Variants in EPHA3 observed in about 807,000 individuals in gnomAD.
The protein encoded by EPHA3 is ephrin type-A receptor 3.
In EPHA3, 42 loss-of-function variants were observed where a neutral mutation model predicts 107.1. The observed-to-expected ratio is 0.39, with a 90% CI of 0.31 to 0.51. EPHA3 has a LOEUF of 0.51. Among genes scored for constraint, EPHA3 ranks in the 20% least tolerant of loss-of-function variants. The pLI is 0.78. For synonymous variants in EPHA3, 461 were observed against 424.8 expected, an observed-to-expected ratio of 1.09 and a Z score of -1.05; for missense variants, 1,183 against 1,211.2, an observed-to-expected ratio of 0.98 and a Z score of 0.35.
intron 1 of EPHA3, among the ~76,000 whole-genome samples, chr3:89,112,157 T>C (rs1268614799): frequency 6.6e-6 from 1 of 152,086 alleles, no homozygotes; most frequent in Non-Finnish European, 1.5e-5. Flanking sequence ...TGTCTTTCCA[T>C]GAAACACTAG....
At chr3:89,125,009 T>A (rs754323083) in intron 1 of EPHA3, among the ~76,000 whole-genome samples, 3 of 151,880 alleles carry the variant, frequency 2.0e-5, no homozygotes, top group Non-Finnish European at 4.4e-5. Flanking sequence ...AACGTAAGGA[T>A]ATGGTAGTTC....
Position 89,351,832 on chromosome 3 carries a change from C to A in EPHA3, c.1306+9742C>A, listed in dbSNP as rs142426576. On this transcript the variant is annotated intron_variant, in intron 5 of 16. Transcript: ENST00000336596. ...AACAAATTGATGTTCTGTTTACCTC[C>A]AGTTTCTATTTATAATAATAACATA... 5.3e-5 allele frequency among the ~76,000 whole-genome samples: 8 copies of A among 150,200 alleles called. No homozygotes were observed. The East Asian group carries it at 1.6e-3, about 29-fold the overall frequency.
At chr3:89,160,227 C>A (rs1489051995) in intron 2 of EPHA3, among the ~76,000 whole-genome samples, 2 of 151,960 alleles carry the variant, frequency 1.3e-5, no homozygotes, top group Non-Finnish European at 2.9e-5. Context: ...TCTCACATTT[C>A]TTCTGGGGGT....
intron 2 of EPHA3, among the ~76,000 whole-genome samples, chr3:89,179,085 C>A (rs979974152): frequency 6.6e-6 from 1 of 151,638 alleles, no homozygotes; most frequent in East Asian, 1.9e-4. Flanking sequence ...AAAATAATTT[C>A]TTTATACCTA....
chr3:89,279,238 C>T lies in EPHA3; in HGVS notation c.815-61678C>T, dbSNP rs924527177. Reference sequence around the variant, plus strand: ...ACCCAGGAAACCTCATTTAGGTAGGCAGAAATATGTTCTCTTAAGTAATGA... The same window carrying T: ...ACCCAGGAAACCTCATTTAGGTAGGTAGAAATATGTTCTCTTAAGTAATGA... On this transcript the variant is annotated intron_variant, in intron 3 of 16. Transcript: ENST00000336596. 8.6e-5 allele frequency among the ~76,000 whole-genome samples: 13 copies of T among 151,946 alleles called. 1 individual carries two copies. The highest frequency in any genetic ancestry group is 1.8e-4 in the Non-Finnish European group (12 of 67,998).
At chr3:89,195,173 A>AT (rs1705809069) in intron 2 of EPHA3, among the ~76,000 whole-genome samples, 1 of 151,778 alleles carries the variant, frequency 6.6e-6, no homozygotes, top group Admixed American at 6.6e-5. Flanking sequence ...TCTGTGTTTC[A>AT]TGTTGACATT....
chr3:89,235,693 C>G (rs1450250316), intron 3 of EPHA3, among the ~76,000 whole-genome samples: 5 of 151,534 alleles, frequency 3.3e-5, no homozygotes, highest in African/African-American at 1.2e-4. Context: ...TTAAAACTAC[C>G]CTATTTTTTC....
At chr3:89,378,563 C>G (rs1299665486) in intron 5 of EPHA3, among the ~76,000 whole-genome samples, 2 of 152,128 alleles carry the variant, frequency 1.3e-5, no homozygotes, top group Non-Finnish European at 2.9e-5. Flanking sequence ...TAGAATCTTT[C>G]CACACATTAG....
intron 13 of EPHA3, among the ~76,000 whole-genome samples, chr3:89,436,413 G>A (rs1709670969): frequency 6.6e-6 from 1 of 152,168 alleles, no homozygotes; most frequent in African/African-American, 2.4e-5. Context: ...TCTAGTGTCT[G>A]AAGTTTCTAC....
chr3:89,340,764 A>G (rs985198406), intron 3 of EPHA3, 152 bp from the exon 4 acceptor site: 3 of 668,742 alleles, frequency 4.5e-6, no homozygotes, highest in Middle Eastern at 8.9e-4. Flanking sequence ...GAAAAACTAC[A>G]GTAGGCTCTG....
intron 2 of EPHA3, among the ~76,000 whole-genome samples, chr3:89,130,473 A>G (rs1159739156): frequency 5.3e-5 from 8 of 152,196 alleles, no homozygotes; most frequent in Non-Finnish European, 7.3e-5. Context: ...GCTATAAAAA[A>G]TTAACATATT....
rs988656815 is a variant in EPHA3, at chr3:89,346,716, G to A, written c.1306+4626G>A. On this transcript the variant is annotated intron_variant, in intron 5 of 16. Transcript: ENST00000336596. ...CCATGCCTATGTCCTGAATGGTATT[G>A]CCTAGGTTTTCTTCTAGGGTTTTTA... Among the ~76,000 whole-genome samples, 4 of 150,472 alleles carry A rather than the reference G, an allele frequency of 2.7e-5. 1 individual carries two copies. Among genetic ancestry groups the A allele is most frequent in the African/African-American group, 9.7e-5 (4 of 41,196 alleles).
chr3:89,367,878 T>A (rs1395524915), intron 5 of EPHA3, among the ~76,000 whole-genome samples: 1 of 150,800 alleles, frequency 6.6e-6, no homozygotes, highest in African/African-American at 2.4e-5. Flanking sequence ...CCCATAGGGC[T>A]ACAGAATCGT....
At chr3:89,283,710 T>C (rs1706004204) in intron 3 of EPHA3, among the ~76,000 whole-genome samples, 1 of 152,116 alleles carries the variant, frequency 6.6e-6, no homozygotes, top group Non-Finnish European at 1.5e-5. Flanking sequence ...ACAAATCTTA[T>C]TGCACAGCAC....
chr3:89,344,282 C>T (rs1018597991), intron 5 of EPHA3, among the ~76,000 whole-genome samples: 3 of 151,958 alleles, frequency 2.0e-5, no homozygotes, highest in African/African-American at 7.3e-5. Flanking sequence ...AAGATCAGGC[C>T]AAGACATTAA....
At chr3:89,387,945 A>G (rs932869822) in intron 5 of EPHA3, among the ~76,000 whole-genome samples, 2 of 152,158 alleles carry the variant, frequency 1.3e-5, no homozygotes, top group African/African-American at 4.8e-5. Context: ...TAGTCTTTAG[A>G]AAAGACTAAA....
chr3:89,266,133 T>C (rs1705533992), intron 3 of EPHA3, among the ~76,000 whole-genome samples: 1 of 152,148 alleles, frequency 6.6e-6, no homozygotes, highest in Non-Finnish European at 1.5e-5. Context: ...ACTCATTGAA[T>C]AATAAAAATA....
At chr3:89,475,344 A>G (rs1710485667) in intron 16 of EPHA3, among the ~76,000 whole-genome samples, 1 of 152,230 alleles carries the variant, frequency 6.6e-6, no homozygotes, top group African/African-American at 2.4e-5. Flanking sequence ...TTGCTCGACC[A>G]AATAACTGTG....
intron 3 of EPHA3, among the ~76,000 whole-genome samples, chr3:89,307,195 A>C (rs1041985320): frequency 1.3e-5 from 2 of 152,160 alleles, no homozygotes; most frequent in African/African-American, 4.8e-5. Flanking sequence ...TAACCATGGA[A>C]ACCAAGAAAG....
Sources: gnomAD v4.1 joint callset for allele counts (sites outside exome capture counted in the v4.1 genomes callset) on GRCh38, gnomAD v4.1.1 for gene constraint, MANE v1.5 for transcripts, NCBI Gene and HGNC (gene_info 2026-07-23, HGNC 2026-07-21) for gene names.